CARF: variants seen among roughly 807,000 people sequenced by gnomAD.
CARF encodes calcium responsive transcription factor, also known as calcium-responsive transcription factor.
Under a neutral mutation model 82.0 loss-of-function variants are expected in CARF, and 57 were observed. That is an observed-to-expected ratio of 0.70 (90% CI 0.56 to 0.87). The LOEUF (loss-of-function observed/expected upper bound fraction) is 0.87, where lower values mean the gene tolerates loss of function less well. Ranked by LOEUF, CARF falls within the 40% of genes least tolerant of loss-of-function variation. CARF has a pLI of 0.00. For missense variants in CARF, 771 were observed against 855.8 expected (o/e 0.90, Z 1.24); for synonymous variants, 268 against 290.1 (o/e 0.92, Z 0.77).
In CARF at chr2:202,917,979, A is replaced by G. The variant is rs1473312525; in HGVS notation, c.-227A>G. 3 of 438,496 alleles carry G rather than the reference A, an allele frequency of 6.8e-6. No homozygotes were observed. Among genetic ancestry groups the G allele is most frequent in the South Asian group, 1.7e-5 (1 of 59,636 alleles). The allele number at this position is 438,496 out of a possible 1,614,324, so 27.2% of individuals were successfully genotyped here. On this transcript the variant is annotated 5_prime_UTR_variant, in exon 2 of 17. Transcript: ENST00000438828. ...AAGGAAGAACTTCAGTGGACAAGAA[A>G]GGACATTTCTGGGGGTAGTAGAATG...
At chr2:202,916,777 T>C (rs1689750872) in intron 1 of CARF, among the ~76,000 whole-genome samples, 1 of 152,178 alleles carries the variant, frequency 6.6e-6, no homozygotes, top group Non-Finnish European at 1.5e-5. Flanking sequence ...ACTGATAGAA[T>C]TGCTGTTGAA....
intron 5 of CARF, among the ~76,000 whole-genome samples, chr2:202,951,561 A>G (rs909183290): frequency 6.6e-6 from 1 of 152,064 alleles, no homozygotes; most frequent in African/African-American, 2.4e-5. Flanking sequence ...CATCAGATAG[A>G]CTTAAATTCA....
At chr2:202,942,176 C>A (rs540572283) in intron 4 of CARF, among the ~76,000 whole-genome samples, 196 bp downstream of exon 4, 15 of 151,984 alleles carry the variant, frequency 9.9e-5, no homozygotes, top group African/African-American at 3.4e-4. Context: ...GAGTTCAAGA[C>A]CAGCCTGGCC....
At chr2:202,966,151 T>C (rs1181450636) in intron 9 of CARF, among the ~76,000 whole-genome samples, 1 of 152,144 alleles carries the variant, frequency 6.6e-6, no homozygotes, top group East Asian at 1.9e-4. Context: ...TTTTGCAGCC[T>C]AATATCAAAA....
intron 1 of CARF, among the ~76,000 whole-genome samples, chr2:202,917,192 C>G (rs1234383908): frequency 1.9e-5 from 2 of 103,610 alleles, no homozygotes; most frequent in African/African-American, 3.8e-5. Context: ...GCCTGGGCGA[C>G]AGAGCGAGAC....
rs1459553184 is a variant in CARF, at chr2:202,913,122, C to T, written c.-330+20C>T. ...AGACCGGTATGTGTGCAGGTGAAGA[C>T]AAAGCTTTCCTTTTTTACGTTGTTT... is the stretch of plus-strand genomic sequence containing the variant. On this transcript the variant is annotated intron_variant, in intron 1 of 16. Coordinates refer to ENST00000438828, the MANE Select transcript of CARF (RefSeq NM_024744.17). The T allele has an allele frequency of 6.6e-6, 1 of 152,132 alleles. No individual in the cohort carries two copies. Among genetic ancestry groups the T allele is most frequent in the South Asian group, 2.1e-4 (1 of 4,836 alleles). 9.4% of individuals were successfully genotyped at this position (152,132 alleles called of 1,614,324 possible).
intron 15 of CARF, 112 bp downstream of exon 15, chr2:202,981,797 A>AAAC: frequency 2.9e-6 from 3 of 1,051,010 alleles, no homozygotes; most frequent in Non-Finnish European, 4.2e-6. Context: ...ATAATGATGA[A>AAAC]ATATGTTTTC....
chr2:202,927,369 A>G (rs544637816), intron 3 of CARF, among the ~76,000 whole-genome samples: 2 of 152,064 alleles, frequency 1.3e-5, no homozygotes, highest in South Asian at 2.1e-4. Flanking sequence ...TTTTTAATTG[A>G]CAAAAATTGT....
At chr2:202,957,248 G>A (rs1456817509) in intron 8 of CARF, among the ~76,000 whole-genome samples, 1 of 152,030 alleles carries the variant, frequency 6.6e-6, no homozygotes, top group African/African-American at 2.4e-5. Context: ...ATTTTTCTAA[G>A]GCTACTTGTA....
In CARF at chr2:202,977,326, G is replaced by T. The variant is rs768789181; in HGVS notation, c.1552G>T (p.Ala518Ser). The T allele has an allele frequency of 2.5e-6, 4 of 1,610,388 alleles. No homozygotes were observed. In the African/African-American group the frequency reaches 4.0e-5, roughly 16 times the overall value. The stretch of plus-strand genomic sequence containing the variant: ...CAAAGAGACCATGACAGTTACATTT[G>T]CAGAAGGTAGGTTTTCTTGAATACC... ...ILKETMTVTF[A>S]EGNSPGESIT... The change falls in exon 14 of 17, where the codon GCA becomes TCA. Residue 518 changes from alanine to serine, a missense_variant. Coordinates refer to ENST00000438828, the MANE Select transcript of CARF (RefSeq NM_024744.17).
chr2:202,959,637 G>A (rs1574690948), intron 8 of CARF, among the ~76,000 whole-genome samples: 1 of 152,084 alleles, frequency 6.6e-6, no homozygotes, highest in East Asian at 1.9e-4. Flanking sequence ...TGGTCAACAT[G>A]GCGAAACCCT....
intron 2 of CARF, among the ~76,000 whole-genome samples, chr2:202,918,554 C>CA (rs977652611): frequency 1.8e-4 from 27 of 150,530 alleles, no homozygotes; most frequent in Admixed American, 4.0e-4. Flanking sequence ...ACAAAAAAAA[C>CA]AAAAAAAAAC....
At chr2:202,950,606 G>A (rs1325715952) in intron 5 of CARF, among the ~76,000 whole-genome samples, 20 of 152,104 alleles carry the variant, frequency 1.3e-4, no homozygotes. Context: ...AGTACAGAGT[G>A]GTAGTTTGAA....
rs1439079825 is a variant in CARF at position 202,912,530 on chromosome 2, G to T, written c.-902G>T. ...TCACCTCCTGACCCGCCGGAGCTCCGAGCAACTGCCGGCCTCCGCCCCCAG... is the reference window on the plus strand; with the variant it reads ...TCACCTCCTGACCCGCCGGAGCTCCTAGCAACTGCCGGCCTCCGCCCCCAG... On this transcript the variant is annotated 5_prime_UTR_variant, in exon 1 of 17. Transcript: ENST00000438828. 3 of 150,698 alleles carry T rather than the reference G, an allele frequency of 2.0e-5. No individual in the cohort carries two copies. Among genetic ancestry groups the T allele is most frequent in the African/African-American group, 7.3e-5 (3 of 41,098 alleles). The allele number at this position is 150,698 out of a possible 1,614,324, so 9.3% of individuals were successfully genotyped here.
intron 2 of CARF, among the ~76,000 whole-genome samples, chr2:202,918,347 C>G (rs183537298): frequency 6.6e-6 from 1 of 151,966 alleles, no homozygotes; most frequent in East Asian, 1.9e-4. Flanking sequence ...GGTGAAACCC[C>G]GTCTCTACTA....
rs749877873 is a variant in CARF, at chr2:202,961,371, C to T, written c.777C>T (p.Arg259=). The part of the protein sequence containing the change: ...QSPSPAKPAT[R]LMWKSQYVPY... ...CAAGCCCAGCCAAGCCTGCTACACG[C>T]TTGATGTGGAAATCCCAGTATGTTC... The change falls in exon 9 of 17, where the codon CGC becomes CGT. Residue 259 remains arginine, a synonymous_variant. Coordinates refer to ENST00000438828, the MANE Select transcript of CARF (RefSeq NM_024744.17). 3.0e-5 allele frequency: 48 copies of T among 1,614,038 alleles called. No individual in the cohort carries two copies. In the South Asian group the frequency reaches 5.1e-4, roughly 17 times the overall value.
chr2:202,954,120 A>G lies in CARF; in HGVS notation c.543A>G (p.Lys181=). Residue 181 remains lysine (K), a synonymous_variant, in exon 7 of 17, where the codon AAA becomes AAG. Coordinates refer to ENST00000438828, the MANE Select transcript of CARF (RefSeq NM_024744.17). Reference sequence around the variant, plus strand: ...CTCAAACATCCTTCCCATTGCCCAAAAAGTCAGTGACCGGGTGAGTCCACG... The same window carrying G: ...CTCAAACATCCTTCCCATTGCCCAAGAAGTCAGTGACCGGGTGAGTCCACG... ...LHPQTSFPLP[K]KSVTGMLEEP... The G allele has an allele frequency of 6.2e-7, 1 of 1,613,100 alleles. No individual in the cohort carries two copies. Among genetic ancestry groups the G allele is most frequent in the Non-Finnish European group, 8.5e-7 (1 of 1,179,568 alleles).
At chr2:202,938,660 T>G (rs185918488) in intron 3 of CARF, among the ~76,000 whole-genome samples, 9 of 34,984 alleles carry the variant, frequency 2.6e-4, no homozygotes, top group Admixed American at 6.3e-4. Flanking sequence ...GTTTTTTTTG[T>G]TTTTTTTTTG....
intron 3 of CARF, among the ~76,000 whole-genome samples, chr2:202,940,912 C>T (rs1343285751): frequency 6.6e-6 from 1 of 151,944 alleles, no homozygotes; most frequent in East Asian, 1.9e-4. Flanking sequence ...ATTTTATTTT[C>T]GGTCAACTTT....
Sources: allele counts gnomAD v4.1 joint callset (sites outside exome capture counted in the v4.1 genomes callset), GRCh38; gene constraint gnomAD v4.1.1; transcripts MANE v1.5; gene names NCBI Gene and HGNC (gene_info 2026-07-23, HGNC 2026-07-21).